STPG3: variants seen among roughly 807,000 people sequenced by gnomAD.
STPG3 encodes the protein sperm-tail PG-rich repeat containing 3.
Under a neutral mutation model 32.5 loss-of-function variants are expected in STPG3, and 39 were observed. The ratio of observed to expected loss-of-function variants is 1.20; its 90% CI spans 0.93 to 1.57. The LOEUF is 1.57. Ranked by LOEUF, STPG3 falls within the 40% of genes most tolerant of loss-of-function variation. The probability of loss-of-function intolerance (pLI) is 0.00; values close to 1 mark genes in which losing one functional copy is unlikely to be tolerated. For missense variants in STPG3, 507 were observed against 407.6 expected (o/e 1.24, Z -2.10); for synonymous variants, 209 against 172.4 (o/e 1.21, Z -1.66).
rs200546762 is a variant in STPG3, at chr9:137,251,322, G to C, written c.36G>C (p.Leu12=). ...MNSDQKAVKF[L]ANFYINGGKH... is the part of the protein sequence containing the mutation. ...CTGACCAGAAGGCAGTGAAATTCCT[G>C]GCAAATTTTTACATCAATGGAGGCA... Residue 12 remains leucine (L), a synonymous_variant, in exon 1 of 6, where the codon CTG becomes CTC. Coordinates refer to ENST00000412566, the MANE Select transcript of STPG3 (RefSeq NM_001004353.4). 24 of 1,613,592 alleles carry C rather than the reference G, an allele frequency of 1.5e-5. No homozygotes were observed. Among genetic ancestry groups the C allele is most frequent in the Admixed American group, 3.3e-5 (2 of 59,994 alleles).
Position 137,252,791 on chromosome 9 carries a change from C to A in STPG3, c.622C>A (p.Leu208Met), listed in dbSNP as rs751430234. The change falls in exon 5 of 6, where the codon CTG becomes ATG. Residue 208 changes from leucine to methionine, a missense_variant. Physicochemically the swap from Leu to Met is conservative, Grantham distance 15. Coordinates refer to ENST00000412566, the MANE Select transcript of STPG3 (RefSeq NM_001004353.4). ...THLGLPGARG[L>M]GLRVQPQSLL... ...CCTAGGGCTGCCTGGGGCTAGGGGG[C>A]TGGGCCTCAGGGTGCAGCCCCAGTC... The A allele has an allele frequency of 3.8e-6, 6 of 1,562,826 alleles. No individual in the cohort carries two copies. The Admixed American group carries it at 1.1e-4, about 30-fold the overall frequency.
In STPG3 at chr9:137,253,110, G is replaced by A. The variant is rs1014020965; in HGVS notation, c.797-5G>A. ...GGTGGGGCTCCCAGCCTTCTCTTTCGGCAGCCCGAACCCCTGGCCCAGCCG... is the reference window on the plus strand; with the variant it reads ...GGTGGGGCTCCCAGCCTTCTCTTTCAGCAGCCCGAACCCCTGGCCCAGCCG... On this transcript the variant is annotated splice_polypyrimidine_tract_variant and splice_region_variant and intron_variant, in intron 5 of 5. Coordinates refer to ENST00000412566, the MANE Select transcript of STPG3 (RefSeq NM_001004353.4). 1.6e-5 allele frequency: 25 copies of A among 1,553,984 alleles called. No homozygotes were observed. Among genetic ancestry groups the A allele is most frequent in the Non-Finnish European group, 2.1e-5 (24 of 1,147,108 alleles).
chr9:137,252,123 C>A lies in STPG3; in HGVS notation c.391C>A (p.His131Asn). 1 of 1,610,558 alleles carries A rather than the reference C, an allele frequency of 6.2e-7. No homozygotes were observed. Among genetic ancestry groups the A allele is most frequent in the South Asian group, 1.1e-5 (1 of 90,948 alleles). ...PHPHYSIGCK[H>N]QGREGGGRRA... The stretch of plus-strand genomic sequence containing the variant: ...CCCCCACTACAGCATCGGCTGCAAG[C>A]ACCAGGGCCGAGGTGTGTGTCCCCT... The change falls in exon 3 of 6, where the codon CAC becomes AAC. Residue 131 changes from histidine to asparagine, a missense_variant. Physicochemically the swap from His to Asn is moderately conservative, Grantham distance 68. Coordinates refer to ENST00000412566, the MANE Select transcript of STPG3 (RefSeq NM_001004353.4).
At chr9:137,252,192 G>A in intron 3 of STPG3, 57 bp downstream of exon 3, 1 of 1,567,134 alleles carries the variant, frequency 6.4e-7, no homozygotes, top group Non-Finnish European at 8.7e-7. Context: ...CCTGGGAATG[G>A]GGGCCTTTGC....
chr9:137,252,709 C>G lies in STPG3; in HGVS notation c.540C>G (p.Pro180=). Residue 180 remains proline (P), a synonymous_variant, in exon 5 of 6, where the codon CCC becomes CCG. Transcript: ENST00000412566. ...HYQLLSRPAF[P]AFSFRGCHSA... ...AGCTGCTCAGCCGGCCCGCCTTCCC[C>G]GCCTTCAGCTTCAGAGGCTGCCACT... The G allele has an allele frequency of 6.4e-7, 1 of 1,553,034 alleles. No homozygotes were observed. Among genetic ancestry groups the G allele is most frequent in the Non-Finnish European group, 8.7e-7 (1 of 1,148,692 alleles).
chr9:137,251,602 G>A (rs1205432336), intron 1 of STPG3, 136 bp from the exon 2 acceptor site: 2 of 1,158,720 alleles, frequency 1.7e-6, no homozygotes, highest in African/African-American at 1.5e-5. Context: ...GGGGCTGAGG[G>A]ACAGTGTGGG....
Position 137,252,902 on chromosome 9 carries a change from A to T in STPG3, c.733A>T (p.Ser245Cys). 6.3e-7 allele frequency: 1 copy of T among 1,597,986 alleles called. No homozygotes were observed. Among genetic ancestry groups the T allele is most frequent in the Non-Finnish European group, 8.5e-7 (1 of 1,173,168 alleles). The change falls in exon 5 of 6, where the codon AGC becomes TGC. Residue 245 changes from serine to cysteine, a missense_variant. Coordinates refer to ENST00000412566, the MANE Select transcript of STPG3 (RefSeq NM_001004353.4). Reference protein sequence around the residue: ...YNILPGSRLQSPRSPAFSMSR... With the variant: ...YNILPGSRLQCPRSPAFSMSR... ...TATCCTTCCTGGGAGCCGCCTGCAG[A>T]GCCCCCGCTCGCCGGCCTTCTCGAT...
rs1449780203 is a variant in STPG3 at position 137,251,644 on chromosome 9, C to T, written c.111-94C>T. 2.7e-6 allele frequency: 4 copies of T among 1,455,368 alleles called. No individual in the cohort carries two copies. The African/African-American group carries it at 4.2e-5, about 15-fold the overall frequency. 90.2% of individuals were successfully genotyped at this position (1,455,368 alleles called of 1,614,324 possible). A position where few individuals can be genotyped will look rare whatever the true frequency, so the allele number is the denominator to read the frequency against. ...CTGTGGGGCACGTGGCTGGGAGCAG[C>T]CGGGGGCTGAGGGACAATAGAGGGG... is the stretch of plus-strand genomic sequence containing the variant. On this transcript the variant is annotated intron_variant, in intron 1 of 5. Transcript: ENST00000412566.
intron 1 of STPG3, 131 bp from the exon 2 acceptor site, chr9:137,251,607 T>C (rs1588877279): frequency 1.1e-5 from 13 of 1,137,192 alleles, no homozygotes; most frequent in Admixed American, 4.9e-5. Flanking sequence ...TGAGGGACAG[T>C]GTGGGGACAG....
rs564536218 is a variant in STPG3 at position 137,253,154 on chromosome 9, G to A, written c.836G>A (p.Cys279Tyr). 2 of 1,600,402 alleles carry A rather than the reference G, an allele frequency of 1.2e-6. No individual in the cohort carries two copies. Among genetic ancestry groups the A allele is most frequent in the South Asian group, 1.1e-5 (1 of 89,840 alleles). The change falls in exon 6 of 6, where the codon TGC (cysteine) becomes TAC (tyrosine). Residue 279 changes from cysteine to tyrosine, a missense_variant. Cys to Tyr is a radical substitution (Grantham distance 194). Transcript: ENST00000412566. ...CCAGCCGCCTACCACGTGGAGGACT[G>A]CAACTCACGCTTCCCTTCGGCGCCT... ...PGPAAYHVED[C>Y]NSRFPSAPGV...
chr9:137,251,841 A>G lies in STPG3; in HGVS notation c.214A>G (p.Thr72Ala). Residue 72 changes from threonine to alanine, a missense_variant, in exon 2 of 6, where the codon ACG becomes GCG. Physicochemically the swap from Thr to Ala is moderately conservative, Grantham distance 58 (BLOSUM62 0). Transcript: ENST00000412566. Reference protein sequence around the residue: ...KEIPVGLRLQTGTPQESLPTY... With the variant: ...KEIPVGLRLQAGTPQESLPTY... ...GATCCCAGTTGGCCTCAGGTTACAGACGGGCACCCCCCAGGAGTCCCTGCC... is the reference window on the plus strand; with the variant it reads ...GATCCCAGTTGGCCTCAGGTTACAGGCGGGCACCCCCCAGGAGTCCCTGCC... The G allele has an allele frequency of 6.2e-7, 1 of 1,607,418 alleles. No individual in the cohort carries two copies. The highest frequency in any genetic ancestry group is 8.5e-7 in the Non-Finnish European group (1 of 1,177,088).
Position 137,253,238 on chromosome 9 carries a change from C to T in STPG3, c.920C>T (p.Thr307Met), listed in dbSNP as rs201752660. The change falls in exon 6 of 6, where the codon ACG becomes ATG. Residue 307 changes from threonine to methionine, a missense_variant. By Grantham distance (81) the Thr-to-Met change is moderately conservative. Coordinates refer to ENST00000412566, the MANE Select transcript of STPG3 (RefSeq NM_001004353.4). ...CGCCACGACACAGGCCCCTTCTGCA[C>T]GCTCTAGAGCCAGCTGGGCACAACC... ...PKRHDTGPFC[T>M]L 1.5e-4 allele frequency: 245 copies of T among 1,606,804 alleles called. No homozygotes were observed. The African/African-American group carries it at 2.5e-3, about 16-fold the overall frequency.
At position 137,251,847 on chromosome 9, in the gene STPG3, A is replaced by C. The variant is rs1030575546; in HGVS notation, c.220A>C (p.Thr74Pro). The change falls in exon 2 of 6, where the codon ACC becomes CCC. Residue 74 changes from threonine to proline, a missense_variant. Thr to Pro is a conservative substitution (Grantham distance 38). Transcript: ENST00000412566. ...IPVGLRLQTG[T>P]PQESLPTYTQ... The stretch of plus-strand genomic sequence containing the variant: ...AGTTGGCCTCAGGTTACAGACGGGC[A>C]CCCCCCAGGAGTCCCTGCCCACCTA... The C allele has an allele frequency of 6.2e-7, 1 of 1,606,928 alleles. No homozygotes were observed. Among genetic ancestry groups the C allele is most frequent in the Non-Finnish European group, 8.5e-7 (1 of 1,176,980 alleles).
chr9:137,253,213 C>T lies in STPG3; in HGVS notation c.895C>T (p.Arg299Cys), dbSNP rs199666655. The change falls in exon 6 of 6, where the codon CGC becomes TGC. Residue 299 changes from arginine (R) to cysteine (C), a missense_variant. By Grantham distance (180) the Arg-to-Cys change is radical (BLOSUM62 -3). Transcript: ENST00000412566. ...VVIQGVRRPK[R>C]HDTGPFCTL Reference sequence around the variant, plus strand: ...CATCCAGGGTGTACGCAGACCCAAGCGCCACGACACAGGCCCCTTCTGCAC... The same window carrying T: ...CATCCAGGGTGTACGCAGACCCAAGTGCCACGACACAGGCCCCTTCTGCAC... 8.4e-5 allele frequency: 135 copies of T among 1,608,530 alleles called. No individual in the cohort carries two copies. The highest frequency in any genetic ancestry group is 8.0e-4 in the African/African-American group (60 of 74,960).
rs1037986147 is a variant in STPG3 at position 137,251,752 on chromosome 9, T to C, written c.125T>C (p.Val42Ala). ...CTCCCTTGCAGGCCCAAGGCATCTG[T>C]GCTGTTGTTGGGCCCGGAGCCGGGG... ...QPEPTQPKAS[V>A]LLLGPEPGMA... Residue 42 changes from valine to alanine, a missense_variant, in exon 2 of 6, where the codon GTG becomes GCG. Coordinates refer to ENST00000412566, the MANE Select transcript of STPG3 (RefSeq NM_001004353.4). 2.5e-6 allele frequency: 4 copies of C among 1,572,882 alleles called. No individual in the cohort carries two copies. In the African/African-American group the frequency reaches 5.4e-5, roughly 21 times the overall value.
At position 137,252,942 on chromosome 9, in the gene STPG3, C is replaced by T. The variant is rs761668446; in HGVS notation, c.773C>T (p.Ala258Val). The T allele has an allele frequency of 2.7e-5, 43 of 1,599,820 alleles. No individual in the cohort carries two copies. In the East Asian group the frequency reaches 3.6e-4, roughly 13 times the overall value. The change falls in exon 5 of 6, where the codon GCG becomes GTG. Residue 258 changes from alanine to valine, a missense_variant. Coordinates refer to ENST00000412566, the MANE Select transcript of STPG3 (RefSeq NM_001004353.4). ...SPAFSMSRSP[A>V]FTSWLSTSRT... The stretch of plus-strand genomic sequence containing the variant: ...GCCTTCTCGATGAGCCGCTCCCCTG[C>T]GTTCACCTCCTGGCTCAGCACCTGT...
Position 137,251,897 on chromosome 9 carries a change from T to C in STPG3, c.268+2T>C. ...ACACCCAGACCCTGAGGGAACTATG[T>C]GAGTGAGGGTCCTGGCCACCCCACC... On this transcript the variant is annotated splice_donor_variant, in intron 2 of 5. Transcript: ENST00000412566. LOFTEE classifies it high-confidence loss of function. 6.2e-7 allele frequency: 1 copy of C among 1,605,842 alleles called. No homozygotes were observed. The highest frequency in any genetic ancestry group is 8.5e-7 in the Non-Finnish European group (1 of 1,176,422).
At position 137,252,008 on chromosome 9, in the gene STPG3, G is replaced by A; in HGVS notation, c.276G>A (p.Glu92=). Residue 92 remains glutamate (E), a synonymous_variant, in exon 3 of 6, where the codon GAG becomes GAA. Transcript: ENST00000412566. ...CTTGCTTCCTGTGGCCAGTGCTGGA[G>A]CAACGCCCCCTGATCACAGCTGACC... ...YTQTLRELLL[E]QRPLITADLE... 1 of 1,611,202 alleles carries A rather than the reference G, an allele frequency of 6.2e-7. No individual in the cohort carries two copies. Among genetic ancestry groups the A allele is most frequent in the Non-Finnish European group, 8.5e-7 (1 of 1,179,098 alleles).
chr9:137,252,874 C>T lies in STPG3; in HGVS notation c.705C>T (p.Tyr235=), dbSNP rs1588880496. The T allele has an allele frequency of 1.3e-6, 2 of 1,589,798 alleles. No individual in the cohort carries two copies. The highest frequency in any genetic ancestry group is 1.8e-5 in the Admixed American group (1 of 56,832). ...PGKRCPGPNT[Y]NILPGSRLQS... The stretch of plus-strand genomic sequence containing the variant: ...AGAGATGCCCTGGCCCCAACACCTA[C>T]AATATCCTTCCTGGGAGCCGCCTGC... Residue 235 remains tyrosine (Y), a synonymous_variant, in exon 5 of 6, where the codon TAC becomes TAT. Transcript: ENST00000412566.
Sources: allele counts gnomAD v4.1 joint callset, GRCh38; gene constraint gnomAD v4.1.1; transcripts MANE v1.5; gene names NCBI Gene and HGNC (gene_info 2026-07-23, HGNC 2026-07-21).